Variants in FHIT observed in about 807,000 individuals in gnomAD.
FHIT encodes the protein fragile histidine triad diadenosine triphosphatase, also known as bis(5'-adenosyl)-triphosphatase.
A neutral mutation model predicts 17.9 loss-of-function variants in FHIT; 19 were observed. The ratio of observed to expected loss-of-function variants is 1.06; its 90% CI spans 0.74 to 1.56. The LOEUF is 1.56. Among genes scored for constraint, FHIT ranks in the 40% most tolerant of loss-of-function variants. FHIT has a pLI of 0.00. For missense variants in FHIT, 248 were observed against 189.2 expected (o/e 1.31, Z -1.82); for synonymous variants, 81 against 69.7 (o/e 1.16, Z -0.81).
chr3:60,768,668 T>G (rs1553722184), intron 4 of FHIT, among the ~76,000 whole-genome samples: 1 of 152,222 alleles, frequency 6.6e-6, no homozygotes, highest in African/African-American at 2.4e-5. Context: ...TGGGGCCATG[T>G]GACTAGTGCA....
At chr3:60,185,736 A>G (rs1702132357) in intron 5 of FHIT, among the ~76,000 whole-genome samples, 1 of 152,176 alleles carries the variant, frequency 6.6e-6, no homozygotes, top group Non-Finnish European at 1.5e-5. Flanking sequence ...CATTCTCATA[A>G]GCAATGTATG....
chr3:61,171,316 A>T (rs566224671), intron 2 of FHIT, among the ~76,000 whole-genome samples: 1 of 152,164 alleles, frequency 6.6e-6, no homozygotes, highest in Non-Finnish European at 1.5e-5. Flanking sequence ...TTCCTTGTAA[A>T]TTTGTTAAGT....
At chr3:60,608,819 G>C (rs931571406) in intron 4 of FHIT, among the ~76,000 whole-genome samples, 6 of 152,084 alleles carry the variant, frequency 3.9e-5, no homozygotes, top group African/African-American at 1.4e-4. Flanking sequence ...GTCATTATCA[G>C]GAAATAACTA....
intron 3 of FHIT, among the ~76,000 whole-genome samples, chr3:60,924,670 C>T (rs576723858): frequency 2.6e-5 from 4 of 152,242 alleles, no homozygotes; most frequent in South Asian, 2.1e-4. Context: ...TCGAAAGGAA[C>T]GCAGCTCCTC....
intron 5 of FHIT, among the ~76,000 whole-genome samples, chr3:60,512,060 T>C (rs1235099223): frequency 1.3e-5 from 2 of 151,976 alleles, no homozygotes; most frequent in South Asian, 2.1e-4. Context: ...ACGACAAAAA[T>C]AGAAAGCTAA....
intron 4 of FHIT, among the ~76,000 whole-genome samples, chr3:60,660,729 C>CTTTTTTTGTTTTTTTT (rs2040222733): frequency 2.7e-5 from 1 of 37,278 alleles, no homozygotes; most frequent in African/African-American, 8.2e-5. Flanking sequence ...TTATTGTGCT[C>CTTTTTTTGTTTTTTTT]TTTTTTTTTT....
intron 7 of FHIT, among the ~76,000 whole-genome samples, chr3:59,944,144 C>G (rs61333002): frequency 0.021 from 3,267 of 152,196 alleles, 125 homozygotes; most frequent in African/African-American, 0.075. Flanking sequence ...CAGAGAGATC[C>G]CTGGTAGTGT....
At chr3:60,083,190 A>C (rs1412154929) in intron 5 of FHIT, among the ~76,000 whole-genome samples, 2 of 152,150 alleles carry the variant, frequency 1.3e-5, no homozygotes, top group Non-Finnish European at 2.9e-5. Context: ...ATAGTTAGCC[A>C]GCTATCCCAG....
At chr3:61,142,708 T>C (rs1013621409) in intron 2 of FHIT, among the ~76,000 whole-genome samples, 1 of 152,208 alleles carries the variant, frequency 6.6e-6, no homozygotes, top group Admixed American at 6.5e-5. Flanking sequence ...ATCTGTACAT[T>C]AACATTTTTC....
intron 5 of FHIT, among the ~76,000 whole-genome samples, chr3:60,477,015 T>C (rs2033380147): frequency 6.6e-6 from 1 of 152,130 alleles, no homozygotes; most frequent in Admixed American, 6.5e-5. Context: ...AGTACGTATA[T>C]ACAGTTTCGT....
At chr3:60,112,260 T>C (rs1442182237) in intron 5 of FHIT, among the ~76,000 whole-genome samples, 1 of 152,062 alleles carries the variant, frequency 6.6e-6, no homozygotes, top group African/African-American at 2.4e-5. Flanking sequence ...CAGAACAATA[T>C]CCCATTGACC....
Position 59,748,917 on chromosome 3 carries a change from T to TATC in FHIT, c.*665_*667dup, listed in dbSNP as rs148941110. On this transcript the variant is annotated 3_prime_UTR_variant, in exon 10 of 10. Coordinates refer to ENST00000492590, the MANE Select transcript of FHIT (RefSeq NM_002012.4). ...TGTTATCAATTCCAGGGCTGAGCCC[T>TATC]ATCATGTCTGCCTCTGTGCATGTTG... Among the ~76,000 whole-genome samples the TATC allele has an allele frequency of 4.2e-3, 635 of 152,320 alleles. 2 individuals are homozygous for TATC. The highest frequency in any genetic ancestry group is 0.014 in the African/African-American group (601 of 41,580).
chr3:61,077,838 C>A (rs565662000), intron 2 of FHIT, among the ~76,000 whole-genome samples: 8 of 152,228 alleles, frequency 5.3e-5, no homozygotes, highest in Non-Finnish European at 7.4e-5. Flanking sequence ...TTGCAAACAG[C>A]CCGGCACATA....
chr3:60,212,824 A>T (rs1272434340), intron 5 of FHIT, among the ~76,000 whole-genome samples: 1 of 152,194 alleles, frequency 6.6e-6, no homozygotes, highest in African/African-American at 2.4e-5. Flanking sequence ...AAGAAAAAGG[A>T]CATGGCGGAG....
chr3:61,120,005 G>T (rs1202044746), intron 2 of FHIT, among the ~76,000 whole-genome samples: 1 of 152,116 alleles, frequency 6.6e-6, no homozygotes, highest in Non-Finnish European at 1.5e-5. Flanking sequence ...TCTTTTTATT[G>T]ATTCTTTTTC....
chr3:60,583,403 G>A (rs1244498727), intron 4 of FHIT, among the ~76,000 whole-genome samples: 2 of 151,924 alleles, frequency 1.3e-5, no homozygotes, highest in Non-Finnish European at 2.9e-5. Flanking sequence ...AATATTTCAG[G>A]TTCTTCAGGC....
chr3:59,958,735 G>A (rs1292573241), intron 7 of FHIT, among the ~76,000 whole-genome samples: 2 of 152,190 alleles, frequency 1.3e-5, no homozygotes, highest in East Asian at 3.9e-4. Flanking sequence ...TGAAACAGAT[G>A]TCACTAAAGT....
chr3:60,073,345 C>T (rs116320406), intron 5 of FHIT, among the ~76,000 whole-genome samples: 1 of 151,966 alleles, frequency 6.6e-6, no homozygotes, highest in Non-Finnish European at 1.5e-5. Context: ...ACTCACCTTG[C>T]CTTATCATCT....
chr3:60,614,697 A>C (rs1417395405), intron 4 of FHIT, among the ~76,000 whole-genome samples: 5 of 152,134 alleles, frequency 3.3e-5, no homozygotes, highest in African/African-American at 1.2e-4. Flanking sequence ...GACAGCATAG[A>C]AATTATTTAT....
Sources: allele counts gnomAD v4.1 joint callset (sites outside exome capture counted in the v4.1 genomes callset), GRCh38; gene constraint gnomAD v4.1.1; transcripts MANE v1.5; gene names NCBI Gene and HGNC (gene_info 2026-07-23, HGNC 2026-07-21).